The following FANCA variants were observed in gnomAD, a reference collection of about 807,000 sequenced individuals.
FANCA encodes Fanconi anemia group A protein.
A neutral mutation model predicts 194.3 loss-of-function variants in FANCA; 236 were observed. The observed-to-expected ratio is 1.21, with a 90% CI of 1.09 to 1.35. The LOEUF is 1.35. Among genes scored for constraint, FANCA ranks in the 40% most tolerant of loss-of-function variants. The pLI is 0.00. For missense variants in FANCA, 2,628 were observed against 1,813.9 expected (o/e 1.45, Z -8.15); for synonymous variants, 1,014 against 715.8 (o/e 1.42, Z -6.65).
chr16:89,755,122 C>T (rs2038725123), intron 30 of FANCA, among the ~76,000 whole-genome samples: 1 of 152,174 alleles, frequency 6.6e-6, no homozygotes, highest in South Asian at 2.1e-4. Context: ...CAAGACCATT[C>T]AGTGGGGAAA....
Position 89,816,623 on chromosome 16 carries a change from G to C in FANCA, c.-8C>G, listed in dbSNP as rs763498530. ...GACCCACGAGTCGGACATGGCCTTG[G>C]CGCCTACAGCCCCGGCGGCGGCTCC... On this transcript the variant is annotated 5_prime_UTR_variant, in exon 1 of 43. Transcript: ENST00000389301. The C allele has an allele frequency of 2.8e-5, 43 of 1,521,584 alleles. No homozygotes were observed. Among genetic ancestry groups the C allele is most frequent in the Non-Finnish European group, 3.6e-5 (41 of 1,142,396 alleles). 94.3% of individuals were successfully genotyped at this position (1,521,584 alleles called of 1,614,324 possible).
chr16:89,754,778 C>T (rs1050055554), intron 30 of FANCA, among the ~76,000 whole-genome samples: 4 of 152,184 alleles, frequency 2.6e-5, no homozygotes, highest in African/African-American at 7.2e-5. Flanking sequence ...TGTTTCTATA[C>T]GTTAGCAACA....
At position 89,784,896 on chromosome 16, in the gene FANCA, G is replaced by C; in HGVS notation, c.1428C>G (p.Phe476Leu). The change falls in exon 15 of 43, where the codon TTC becomes TTG. Residue 476 changes from phenylalanine (F) to leucine (L), a missense_variant. Coordinates refer to ENST00000389301, the MANE Select transcript of FANCA (RefSeq NM_000135.4). ...SKKALVFLFT[F>L]LSELVPFESP... Reference sequence around the variant, plus strand: ...ACTCAAAAGGCACGAGTTCTGACAAGAACGTAAACAGGAAGACCAGGGCCT... The same window carrying C: ...ACTCAAAAGGCACGAGTTCTGACAACAACGTAAACAGGAAGACCAGGGCCT... 3.1e-6 allele frequency: 5 copies of C among 1,614,168 alleles called. No homozygotes were observed. Among genetic ancestry groups the C allele is most frequent in the Non-Finnish European group, 4.2e-6 (5 of 1,180,016 alleles).
At chr16:89,741,104 G>C (rs1406579502) in intron 37 of FANCA, among the ~76,000 whole-genome samples, 2 of 152,216 alleles carry the variant, frequency 1.3e-5, no homozygotes, top group Non-Finnish European at 2.9e-5. Flanking sequence ...GTTTGAAAAA[G>C]TGACAAGAGC....
intron 3 of FANCA, among the ~76,000 whole-genome samples, chr16:89,813,806 C>CCGTGTG (rs113697972): frequency 2.7e-5 from 4 of 149,432 alleles, no homozygotes; most frequent in South Asian, 2.1e-4. Flanking sequence ...AAGTCTTTTA[C>CCGTGTG]TGTGTGTGTG....
chr16:89,771,397 T>C (rs1184885423), intron 23 of FANCA, among the ~76,000 whole-genome samples: 1 of 151,136 alleles, frequency 6.6e-6, no homozygotes, highest in Non-Finnish European at 1.5e-5. Flanking sequence ...ATGTCAAAGC[T>C]GTAGTGAGCC....
chr16:89,772,742 C>T (rs1417890144), intron 22 of FANCA, among the ~76,000 whole-genome samples: 1 of 151,690 alleles, frequency 6.6e-6, no homozygotes, highest in African/African-American at 2.4e-5. Context: ...TTGCTTGAAC[C>T]CAGGAGGCGG....
At chr16:89,746,947 C>CA in intron 33 of FANCA, 57 bp from the exon 34 acceptor site, 1 of 1,443,320 alleles carries the variant, frequency 6.9e-7, no homozygotes, top group Non-Finnish European at 9.5e-7. Context: ...GCGAGACCAA[C>CA]ATGCAGAGTG....
At chr16:89,759,318 T>TATAAAAAA (rs2038866186) in intron 29 of FANCA, among the ~76,000 whole-genome samples, 1 of 75,180 alleles carries the variant, frequency 1.3e-5, no homozygotes, top group Non-Finnish European at 2.6e-5. Context: ...AGACTCCGTC[T>TATAAAAAA]AAAAAAAAAA....
intron 14 of FANCA, 97 bp downstream of exon 14, chr16:89,791,306 C>G: frequency 6.6e-7 from 1 of 1,518,936 alleles, no homozygotes; most frequent in Non-Finnish European, 9.0e-7. Context: ...AGGTTGCTCA[C>G]TCACATGACA....
At chr16:89,740,697 G>T (rs897083697) in intron 38 of FANCA, 107 bp downstream of exon 38, 1 of 860,858 alleles carries the variant, frequency 1.2e-6, no homozygotes, top group Non-Finnish European at 1.9e-6. Context: ...GCAAACACAA[G>T]GAGCTCCTGA....
intron 30 of FANCA, among the ~76,000 whole-genome samples, chr16:89,756,679 T>C (rs2038777628): frequency 6.6e-6 from 1 of 152,106 alleles, no homozygotes; most frequent in Non-Finnish European, 1.5e-5. Context: ...ACAAAGTGAA[T>C]GGATAAACAA....
chr16:89,792,849 C>T (rs901937621), intron 11 of FANCA: 2 of 379,478 alleles, frequency 5.3e-6, no homozygotes, highest in African/African-American at 2.1e-5. Flanking sequence ...GGTAAGGTCA[C>T]GTGTCCACTG....
chr16:89,805,341 G>A lies in FANCA; in HGVS notation c.648C>T (p.Cys216=), dbSNP rs1199564100. 1 of 1,614,064 alleles carries A rather than the reference G, an allele frequency of 6.2e-7. No homozygotes were observed. Among genetic ancestry groups the A allele is most frequent in the Non-Finnish European group, 8.5e-7 (1 of 1,179,974 alleles). The change falls in exon 7 of 43, where the codon TGC becomes TGT. Residue 216 remains cysteine, a synonymous_variant. Coordinates refer to ENST00000389301, the MANE Select transcript of FANCA (RefSeq NM_000135.4). Reference sequence around the variant, plus strand: ...AGGATGCTTCCATCTGTTCACAAAGGCAGCACAGATTCCTGAAGAGCCACG... The same window carrying A: ...AGGATGCTTCCATCTGTTCACAAAGACAGCACAGATTCCTGAAGAGCCACG... ...VGSWLFRNLC[C]LCEQMEASCQ...
intron 26 of FANCA, among the ~76,000 whole-genome samples, chr16:89,768,466 G>T (rs1193453552): frequency 6.6e-6 from 1 of 152,064 alleles, no homozygotes; most frequent in African/African-American, 2.4e-5. Context: ...GACCAGCCTG[G>T]CCAACATGGC....
In FANCA at chr16:89,798,756, G is replaced by C. The variant is rs1490477690; in HGVS notation, c.893+410C>G. 3 of 1,375,852 alleles carry C rather than the reference G, an allele frequency of 2.2e-6. No individual in the cohort carries two copies. The African/African-American group carries it at 4.4e-5, about 20-fold the overall frequency. 85.2% of individuals were successfully genotyped at this position (1,375,852 alleles called of 1,614,324 possible). A position where few individuals can be genotyped will look rare whatever the true frequency, so the allele number is the denominator to read the frequency against. On this transcript the variant is annotated intron_variant, in intron 10 of 42. Transcript: ENST00000389301. ...CAGGATCTGTGGAGGCCAGGCAGCGGGAGTCTGTAGAGGCACAGCTACAGT... is the reference window on the plus strand; with the variant it reads ...CAGGATCTGTGGAGGCCAGGCAGCGCGAGTCTGTAGAGGCACAGCTACAGT...
chr16:89,768,265 A>G (rs1000387089), intron 26 of FANCA, among the ~76,000 whole-genome samples: 5 of 152,342 alleles, frequency 3.3e-5, no homozygotes, highest in Non-Finnish European at 5.9e-5. Flanking sequence ...TACCCATGTG[A>G]AAAATTCTCA....
chr16:89,809,207 C>T (rs761142084), intron 5 of FANCA, among the ~76,000 whole-genome samples: 2 of 151,812 alleles, frequency 1.3e-5, no homozygotes, highest in African/African-American at 2.4e-5. Flanking sequence ...GGCCCGGCCC[C>T]TAACTCGCAC....
At chr16:89,806,132 T>G (rs2040632812) in intron 6 of FANCA, among the ~76,000 whole-genome samples, 1 of 151,970 alleles carries the variant, frequency 6.6e-6, no homozygotes, top group Non-Finnish European at 1.5e-5. Context: ...AGGCTGGTCT[T>G]GAACTCCTGA....
Sources: gnomAD v4.1 joint callset for allele counts (sites outside exome capture counted in the v4.1 genomes callset) on GRCh38, gnomAD v4.1.1 for gene constraint, MANE v1.5 for transcripts, NCBI Gene and HGNC (gene_info 2026-07-23, HGNC 2026-07-21) for gene names.